Variants in FAR2 observed in about 807,000 individuals in gnomAD.
The protein encoded by FAR2 is fatty acyl-CoA reductase 2, also known as epididymis secretory protein Li 81.
FAR2 carries 19 observed loss-of-function variants against 56.0 expected under a neutral mutation model. That is an observed-to-expected ratio of 0.34 (90% confidence interval 0.24 to 0.50). FAR2 has a LOEUF of 0.50. Ranked by LOEUF, FAR2 falls within the 20% of genes least tolerant of loss-of-function variation. The probability of loss-of-function intolerance (pLI) is 0.98; values close to 1 mark genes in which losing one functional copy is unlikely to be tolerated. For synonymous variants in FAR2, 219 were observed against 218.8 expected, an observed-to-expected ratio of 1.00 and a Z score of -0.01; for missense variants, 508 against 642.2, an observed-to-expected ratio of 0.79 and a Z score of 2.26.
intron 1 of FAR2, among the ~76,000 whole-genome samples, chr12:29,228,741 C>A (rs893544090): frequency 6.6e-6 from 1 of 152,182 alleles, no homozygotes; most frequent in South Asian, 2.1e-4. Flanking sequence ...GTGCCCGCCA[C>A]CATGCCTGGC....
At chr12:29,274,271 C>T (rs775880027) in intron 2 of FAR2, among the ~76,000 whole-genome samples, 2 of 147,586 alleles carry the variant, frequency 1.4e-5, no homozygotes, top group Non-Finnish European at 1.5e-5. Context: ...TCAGTTCCCA[C>T]CTCTGAGTGA....
intron 5 of FAR2, among the ~76,000 whole-genome samples, chr12:29,308,554 G>A (rs1033835010): frequency 2.1e-5 from 3 of 140,302 alleles, no homozygotes; most frequent in East Asian, 2.1e-4. Flanking sequence ...ATACTGTAAC[G>A]TAAAGAGACA....
chr12:29,317,401 G>T (rs1949468549), intron 9 of FAR2, among the ~76,000 whole-genome samples: 1 of 152,110 alleles, frequency 6.6e-6, no homozygotes, highest in Admixed American at 6.5e-5. Flanking sequence ...CCCCAAGATA[G>T]CTCATTACAT....
intron 1 of FAR2, among the ~76,000 whole-genome samples, chr12:29,207,886 A>G (rs1947494366): frequency 6.6e-6 from 1 of 152,182 alleles, no homozygotes; most frequent in South Asian, 2.1e-4. Context: ...ATTAACTGTA[A>G]GTCTTTGCTT....
chr12:29,296,920 C>G, intron 3 of FAR2, 101 bp from the exon 4 acceptor site: 2 of 1,168,424 alleles, frequency 1.7e-6, no homozygotes, highest in East Asian at 2.4e-5. Context: ...GTGCGGCCAC[C>G]AAAATCTGAT....
At chr12:29,217,645 G>C (rs1386191955) in intron 1 of FAR2, among the ~76,000 whole-genome samples, 2 of 152,214 alleles carry the variant, frequency 1.3e-5, no homozygotes, top group South Asian at 4.1e-4. Context: ...CTCAGTTCCT[G>C]ATTGGATTGA....
intron 1 of FAR2, among the ~76,000 whole-genome samples, chr12:29,192,107 C>G (rs1950107488): frequency 6.6e-6 from 1 of 152,118 alleles, no homozygotes; most frequent in Admixed American, 6.5e-5. Flanking sequence ...TAGCTATGGC[C>G]CAGTGAGTAG....
chr12:29,308,711 C>CAT (rs1428729903), intron 5 of FAR2, among the ~76,000 whole-genome samples: 7 of 109,798 alleles, frequency 6.4e-5, no homozygotes, highest in African/African-American at 1.9e-4. Flanking sequence ...CACACACACA[C>CAT]ACACACACAT....
intron 1 of FAR2, among the ~76,000 whole-genome samples, chr12:29,177,843 C>A (rs200417838): frequency 6.9e-5 from 10 of 145,606 alleles, no homozygotes; most frequent in African/African-American, 2.0e-4. Context: ...ACAAAAAAAA[C>A]AAACAAAAAA....
At chr12:29,257,352 G>T (rs1210915350) in intron 1 of FAR2, among the ~76,000 whole-genome samples, 6 of 152,278 alleles carry the variant, frequency 3.9e-5, no homozygotes, top group African/African-American at 1.4e-4. Flanking sequence ...TTTGTGTCTA[G>T]CTCAGGGATT....
At position 29,308,711 on chromosome 12, in the gene FAR2, C is replaced by CATATATATAT. The variant is rs1428729903; in HGVS notation, c.724-474_724-473insTATATATATA. Among the ~76,000 whole-genome samples, 290 of 109,744 alleles carry CATATATATAT rather than the reference C, an allele frequency of 2.6e-3. 2 individuals are homozygous for CATATATATAT. Among genetic ancestry groups the CATATATATAT allele is most frequent in the African/African-American group, 6.6e-3 (174 of 26,376 alleles). 72.0% of individuals were successfully genotyped at this position (109,744 alleles called of 152,430 possible). A position where few individuals can be genotyped will look rare whatever the true frequency, so the allele number is the denominator to read the frequency against. ...ACAGACACACACACACACACACACA[C>CATATATATAT]ACACACACATATATATATATATGTA... On this transcript the variant is annotated intron_variant, in intron 5 of 11. Transcript: ENST00000536681.
intron 2 of FAR2, among the ~76,000 whole-genome samples, chr12:29,286,512 C>T (rs747511524): frequency 2.4e-4 from 37 of 152,312 alleles, no homozygotes; most frequent in Middle Eastern, 3.4e-3. Flanking sequence ...AGAGATGCCA[C>T]CAGTTCTGTT....
chr12:29,328,109 C>G (rs1427350024), intron 10 of FAR2, among the ~76,000 whole-genome samples: 1 of 152,180 alleles, frequency 6.6e-6, no homozygotes, highest in Non-Finnish European at 1.5e-5. Context: ...TGAACAGACA[C>G]TTCTCAAAAG....
chr12:29,250,276 A>G (rs1483755570), intron 1 of FAR2, among the ~76,000 whole-genome samples: 1 of 152,218 alleles, frequency 6.6e-6, no homozygotes, highest in South Asian at 2.1e-4. Flanking sequence ...GGATCTGACC[A>G]GATTCTGTTC....
At chr12:29,289,453 C>A (rs1948926570) in intron 2 of FAR2, among the ~76,000 whole-genome samples, 1 of 152,174 alleles carries the variant, frequency 6.6e-6, no homozygotes, top group East Asian at 1.9e-4. Flanking sequence ...AAGACAGCCT[C>A]TTCAATAAAT....
At chr12:29,172,857 G>A (rs776657229) in intron 1 of FAR2, among the ~76,000 whole-genome samples, 2 of 152,084 alleles carry the variant, frequency 1.3e-5, no homozygotes, top group African/African-American at 2.4e-5. Context: ...TAGAACACAG[G>A]TCAACAGATG....
chr12:29,168,175 G>A (rs1429110380), intron 1 of FAR2, among the ~76,000 whole-genome samples: 1 of 152,132 alleles, frequency 6.6e-6, no homozygotes, highest in Non-Finnish European at 1.5e-5. Flanking sequence ...TGAAACCAGA[G>A]GCCAGCTGGG....
chr12:29,323,053 G>C (rs928995489), intron 10 of FAR2, among the ~76,000 whole-genome samples: 1 of 152,238 alleles, frequency 6.6e-6, no homozygotes, highest in African/African-American at 2.4e-5. Flanking sequence ...GACTGGAGCT[G>C]TTCCTATTCG....
chr12:29,181,418 C>T (rs1263865718), intron 1 of FAR2, among the ~76,000 whole-genome samples: 1 of 152,130 alleles, frequency 6.6e-6, no homozygotes, highest in Non-Finnish European at 1.5e-5. Context: ...ACTCCTAGCT[C>T]AAATCTCTAA....
Sources: allele counts gnomAD v4.1 joint callset (sites outside exome capture counted in the v4.1 genomes callset), GRCh38; gene constraint gnomAD v4.1.1; transcripts MANE v1.5; gene names NCBI Gene and HGNC (gene_info 2026-07-23, HGNC 2026-07-21).